The following ILRUN variants were observed in gnomAD, a reference collection of about 807,000 sequenced individuals.
ILRUN encodes protein ILRUN.
In ILRUN, 3 loss-of-function variants were observed where a neutral mutation model predicts 33.8. The observed-to-expected ratio is 0.09, with a 90% confidence interval of 0.04 to 0.23. The LOEUF (loss-of-function observed/expected upper bound fraction) is 0.23, where lower values mean the gene tolerates loss of function less well. Among genes scored for constraint, ILRUN ranks in the 10% least tolerant of loss-of-function variants. ILRUN has a pLI of 1.00. For synonymous variants in ILRUN, 124 were observed against 138.9 expected (o/e 0.89, Z 0.75); for missense variants, 210 against 375.1 (o/e 0.56, Z 3.64).
chr6:34,640,567 G>C (rs9461993), intron 3 of ILRUN, among the ~76,000 whole-genome samples: 1 of 151,712 alleles, frequency 6.6e-6, no homozygotes. Flanking sequence ...AAAATTAGCC[G>C]GGTGTGGTGG....
intron 1 of ILRUN, among the ~76,000 whole-genome samples, chr6:34,679,120 C>G (rs980454374): frequency 6.7e-6 from 1 of 148,204 alleles, no homozygotes; most frequent in African/African-American, 2.5e-5. Flanking sequence ...TGCACGTGTA[C>G]CTCCGAATCT....
chr6:34,622,479 C>T (rs1034284284), intron 3 of ILRUN, among the ~76,000 whole-genome samples: 6 of 151,804 alleles, frequency 4.0e-5, no homozygotes, highest in South Asian at 2.1e-4. Context: ...TACTAATCAC[C>T]GGGGAAATGC....
intron 2 of ILRUN, among the ~76,000 whole-genome samples, chr6:34,651,236 T>C (rs1410434506): frequency 6.6e-6 from 1 of 152,176 alleles, no homozygotes; most frequent in African/African-American, 2.4e-5. Context: ...CCTTGAAAGA[T>C]AAAATCTCTA....
chr6:34,612,900 G>A (rs554279657), intron 3 of ILRUN, among the ~76,000 whole-genome samples: 92 of 152,232 alleles, frequency 6.0e-4, no homozygotes, highest in Non-Finnish European at 9.1e-4. Context: ...AAAATTAGCC[G>A]GGCATGGTGG....
chr6:34,608,426 A>G (rs1582039977), intron 3 of ILRUN, among the ~76,000 whole-genome samples: 1 of 152,258 alleles, frequency 6.6e-6, no homozygotes, highest in Admixed American at 6.5e-5. Flanking sequence ...AACATAGAAT[A>G]GTAAAATATA....
At chr6:34,642,441 TTC>T (rs897963511) in intron 3 of ILRUN, among the ~76,000 whole-genome samples, 1 of 152,142 alleles carries the variant, frequency 6.6e-6, no homozygotes, top group Non-Finnish European at 1.5e-5. Context: ...GGGCAGGGCT[TTC>T]AATGGAAATC....
intron 1 of ILRUN, among the ~76,000 whole-genome samples, chr6:34,692,030 C>T (rs2127391871): frequency 6.6e-6 from 1 of 152,316 alleles, no homozygotes; most frequent in South Asian, 2.1e-4. Context: ...GCAGCACAAT[C>T]ACAGCTCACT....
intron 3 of ILRUN, among the ~76,000 whole-genome samples, chr6:34,641,016 T>C (rs1347455870): frequency 6.7e-6 from 1 of 148,720 alleles, no homozygotes; most frequent in Non-Finnish European, 1.5e-5. Context: ...GAGGCAGAGG[T>C]TGCAGTGAGC....
intron 3 of ILRUN, among the ~76,000 whole-genome samples, chr6:34,626,570 C>T (rs1762136751): frequency 6.6e-6 from 1 of 152,146 alleles, no homozygotes; most frequent in Non-Finnish European, 1.5e-5. Flanking sequence ...CATACTGCAC[C>T]ACAGTGGTAT....
chr6:34,677,404 G>C (rs940945755), intron 1 of ILRUN, among the ~76,000 whole-genome samples: 2 of 152,000 alleles, frequency 1.3e-5, no homozygotes, highest in African/African-American at 4.8e-5. Flanking sequence ...TGAAGTTACA[G>C]AATACTCAAA....
At chr6:34,605,400 G>A (rs1004974908) in intron 4 of ILRUN, among the ~76,000 whole-genome samples, 2 of 151,842 alleles carry the variant, frequency 1.3e-5, no homozygotes, top group Admixed American at 1.3e-4. Context: ...GGCCAAGGCA[G>A]GAGGATCACT....
intron 3 of ILRUN, among the ~76,000 whole-genome samples, chr6:34,620,186 T>A (rs1761984512): frequency 6.6e-6 from 1 of 151,910 alleles, no homozygotes; most frequent in African/African-American, 2.4e-5. Context: ...TCTAAATATA[T>A]TACGTAAATA....
intron 2 of ILRUN, among the ~76,000 whole-genome samples, chr6:34,648,170 CAG>C (rs1762595931): frequency 6.6e-6 from 1 of 152,178 alleles, no homozygotes; most frequent in South Asian, 2.1e-4. Flanking sequence ...TAACTGTAGA[CAG>C]AAACTTCTAT....
At chr6:34,608,777 T>C (rs997343398) in intron 3 of ILRUN, among the ~76,000 whole-genome samples, 1 of 152,238 alleles carries the variant, frequency 6.6e-6, no homozygotes, top group African/African-American at 2.4e-5. Flanking sequence ...TTTAAATAGA[T>C]GTACCATAGG....
At chr6:34,680,517 T>G (rs2127383638) in intron 1 of ILRUN, among the ~76,000 whole-genome samples, 1 of 152,212 alleles carries the variant, frequency 6.6e-6, no homozygotes, top group Admixed American at 6.6e-5. Context: ...CAGACTGGAG[T>G]GCAGTGGCGC....
chr6:34,599,239 G>C (rs1006420708), intron 4 of ILRUN, among the ~76,000 whole-genome samples: 3 of 152,144 alleles, frequency 2.0e-5, no homozygotes, highest in Admixed American at 6.5e-5. Flanking sequence ...TTCAAATGAG[G>C]ATTATAACTA....
rs1762536770 is a variant in ILRUN at position 34,644,871 on chromosome 6, G to A, written c.511+1730C>T. 3.3e-5 allele frequency among the ~76,000 whole-genome samples: 5 copies of A among 152,112 alleles called. No individual in the cohort carries two copies. In the South Asian group the frequency reaches 1.0e-3, roughly 32 times the overall value. Reference sequence around the variant, plus strand: ...TTCAGGCAATGAGACAAATGAGCAAGGGCATGGAGAAGTGAAAGCATATGG... The same window carrying A: ...TTCAGGCAATGAGACAAATGAGCAAAGGCATGGAGAAGTGAAAGCATATGG... On this transcript the variant is annotated intron_variant, in intron 3 of 4. Transcript: ENST00000374023.
chr6:34,642,620 G>C (rs1040306392), intron 3 of ILRUN, among the ~76,000 whole-genome samples: 3 of 152,028 alleles, frequency 2.0e-5, no homozygotes, highest in Non-Finnish European at 4.4e-5. Context: ...AAGAGCAAAG[G>C]TCATGGCAAC....
At chr6:34,628,347 G>A (rs947512272) in intron 3 of ILRUN, among the ~76,000 whole-genome samples, 2 of 146,732 alleles carry the variant, frequency 1.4e-5, no homozygotes, top group Admixed American at 6.8e-5. Flanking sequence ...TTTTTGAGAC[G>A]GAGTCTCACT....
Sources: gnomAD v4.1 joint callset for allele counts (sites outside exome capture counted in the v4.1 genomes callset) on GRCh38, gnomAD v4.1.1 for gene constraint, MANE v1.5 for transcripts, NCBI Gene and HGNC (gene_info 2026-07-23, HGNC 2026-07-21) for gene names.